The following ACSS1 variants were observed in gnomAD, a reference collection of about 807,000 sequenced individuals.
The protein encoded by ACSS1 is acetyl-coenzyme A synthetase 2-like, mitochondrial.
In ACSS1, 42 loss-of-function variants were observed where a neutral mutation model predicts 75.3. The ratio of observed to expected loss-of-function variants is 0.56; its 90% confidence interval spans 0.44 to 0.72. The LOEUF is 0.72. Ranked by LOEUF, ACSS1 falls within the 30% of genes least tolerant of loss-of-function variation. ACSS1 has a pLI of 0.00. For missense variants in ACSS1, 782 were observed against 935.7 expected, an observed-to-expected ratio of 0.84 and a Z score of 2.14; for synonymous variants, 380 against 376.8, an observed-to-expected ratio of 1.01 and a Z score of -0.10.
chr20:25,008,728 C>T (rs927450109), intron 13 of ACSS1, among the ~76,000 whole-genome samples: 2 of 152,226 alleles, frequency 1.3e-5, no homozygotes, highest in African/African-American at 2.4e-5. Context: ...AGGAAAAGTG[C>T]TCAAGAACCA....
At chr20:25,022,124 A>C (rs2088634390) in intron 5 of ACSS1, among the ~76,000 whole-genome samples, 1 of 152,232 alleles carries the variant, frequency 6.6e-6, no homozygotes, top group Non-Finnish European at 1.5e-5. Flanking sequence ...GGAGAGGCCA[A>C]GGCGGGCAGA....
chr20:25,030,626 CT>C, intron 3 of ACSS1, 132 bp downstream of exon 3: 1 of 1,030,380 alleles, frequency 9.7e-7, no homozygotes, highest in Non-Finnish European at 1.4e-6. Context: ...GTGCCTGTCC[CT>C]AGTACGATCT....
chr20:25,034,228 C>T (rs1431792323), intron 2 of ACSS1, among the ~76,000 whole-genome samples: 1 of 152,158 alleles, frequency 6.6e-6, no homozygotes, highest in African/African-American at 2.4e-5. Flanking sequence ...CCAGAGCTCA[C>T]CTCATGGGGC....
chr20:25,025,792 A>C (rs2088704905), intron 3 of ACSS1, among the ~76,000 whole-genome samples: 1 of 152,112 alleles, frequency 6.6e-6, no homozygotes, highest in South Asian at 2.1e-4. Context: ...ACGGCGGGTA[A>C]AGTTGCTTTG....
At chr20:25,046,815 G>A (rs1225683915) in intron 2 of ACSS1, 1 of 779,760 alleles carries the variant, frequency 1.3e-6, no homozygotes, top group Non-Finnish European at 2.4e-6. Flanking sequence ...GGGGCCCGAG[G>A]ATCCAGGGCA....
intron 2 of ACSS1, among the ~76,000 whole-genome samples, chr20:25,038,687 A>G (rs939321364): frequency 3.9e-5 from 6 of 152,144 alleles, no homozygotes; most frequent in African/African-American, 1.2e-4. Flanking sequence ...CATGCCCCCA[A>G]GGCAGGTGCT....
At chr20:25,039,247 G>T (rs1403190553) in intron 2 of ACSS1, among the ~76,000 whole-genome samples, 1 of 152,172 alleles carries the variant, frequency 6.6e-6, no homozygotes, top group Admixed American at 6.5e-5. Context: ...TCAGCTGAAG[G>T]AGTCAGGGCA....
chr20:25,032,346 G>A (rs972793209), intron 2 of ACSS1: 13 of 1,329,882 alleles, frequency 9.8e-6, no homozygotes, highest in South Asian at 2.1e-5. Context: ...AAAACTGGGA[G>A]CAGGCGAGAG....
At chr20:25,015,061 G>A (rs758578828) in intron 8 of ACSS1, 77 bp downstream of exon 8, 18 of 1,308,044 alleles carry the variant, frequency 1.4e-5, no homozygotes, top group South Asian at 2.7e-5. Flanking sequence ...TTGAGAGCTT[G>A]GACCCCAGTC....
At chr20:25,024,121 A>C (rs1167549589) in intron 3 of ACSS1, among the ~76,000 whole-genome samples, 1 of 152,166 alleles carries the variant, frequency 6.6e-6, no homozygotes, top group Non-Finnish European at 1.5e-5. Context: ...GTGTGGGCCA[A>C]GAGCCTTCAC....
intron 7 of ACSS1, among the ~76,000 whole-genome samples, chr20:25,019,787 G>A (rs2088584719): frequency 6.6e-6 from 1 of 152,250 alleles, no homozygotes; most frequent in Admixed American, 6.5e-5. Context: ...CACAGAAAAT[G>A]TCTGGAACGT....
At chr20:25,050,395 C>A (rs929956243) in intron 1 of ACSS1, among the ~76,000 whole-genome samples, 1 of 152,160 alleles carries the variant, frequency 6.6e-6, no homozygotes, top group East Asian at 2.0e-4. Context: ...CACCATCCCC[C>A]CCGGGAGCTG....
At chr20:25,013,686 G>T in intron 9 of ACSS1, 24 bp from the exon 10 acceptor site, 1 of 1,581,154 alleles carries the variant, frequency 6.3e-7, no homozygotes. Context: ...ACATGCAAGT[G>T]AGACAGGGCA....
chr20:25,022,192 A>G (rs1422025852), intron 5 of ACSS1, among the ~76,000 whole-genome samples: 2 of 152,106 alleles, frequency 1.3e-5, no homozygotes, highest in African/African-American at 4.8e-5. Context: ...CCCTGTCTCT[A>G]CTAAAAATAC....
chr20:25,028,851 C>T (rs930813875), intron 3 of ACSS1, among the ~76,000 whole-genome samples: 2 of 151,680 alleles, frequency 1.3e-5, no homozygotes, highest in African/African-American at 2.4e-5. Flanking sequence ...ACCCAGGAGG[C>T]GGAGGTTGCA....
intron 2 of ACSS1, 31 bp downstream of exon 2, chr20:25,048,054 C>T: frequency 6.2e-7 from 1 of 1,607,154 alleles, no homozygotes; most frequent in Non-Finnish European, 8.5e-7. Flanking sequence ...GGGCGCCTCC[C>T]TCGCACCTTG....
intron 6 of ACSS1, 63 bp downstream of exon 6, chr20:25,021,326 C>T (rs777829499): frequency 1.3e-5 from 20 of 1,575,854 alleles, no homozygotes; most frequent in East Asian, 6.7e-5. Flanking sequence ...CCACAAGCCT[C>T]GAGCCTCAGG....
chr20:25,015,086 G>A (rs1474483439), intron 8 of ACSS1, 52 bp downstream of exon 8: 6 of 1,519,640 alleles, frequency 3.9e-6, no homozygotes, highest in Non-Finnish European at 5.4e-6. Context: ...CCTCACACCT[G>A]ACCCTGCAGA....
In ACSS1 at chr20:25,012,953, G is replaced by C; in HGVS notation, c.1580-14C>G. The C allele has an allele frequency of 6.2e-7, 1 of 1,614,120 alleles. No homozygotes were observed. Among genetic ancestry groups the C allele is most frequent in the Non-Finnish European group, 8.5e-7 (1 of 1,180,004 alleles). The stretch of plus-strand genomic sequence containing the variant: ...TGAAGTAATAGCCTGCACCACAGCA[G>C]GGAAATTCAGCACCAGGAACCCTGA... On this transcript the variant is annotated splice_polypyrimidine_tract_variant and intron_variant, in intron 10 of 13. Transcript: ENST00000323482.
Sources: gnomAD v4.1 joint callset for allele counts (sites outside exome capture counted in the v4.1 genomes callset) on GRCh38, gnomAD v4.1.1 for gene constraint, MANE v1.5 for transcripts, NCBI Gene and HGNC (gene_info 2026-07-23, HGNC 2026-07-21) for gene names.